Variants in ZNF404 observed in about 807,000 individuals in gnomAD.
The protein encoded by ZNF404 is zinc finger protein 404.
A neutral mutation model predicts 7.3 loss-of-function variants in ZNF404; 7 were observed. The ratio of observed to expected loss-of-function variants is 0.95; its 90% CI spans 0.54 to 1.79. ZNF404 has a LOEUF of 1.79. Ranked by LOEUF, ZNF404 falls within the 40% of genes most tolerant of loss-of-function variation. The probability of loss-of-function intolerance (pLI) is 0.00; values close to 1 mark genes in which losing one functional copy is unlikely to be tolerated. For synonymous variants in ZNF404, 191 were observed against 209.9 expected, an observed-to-expected ratio of 0.91 and a Z score of 0.78; for missense variants, 560 against 661.5, an observed-to-expected ratio of 0.85 and a Z score of 1.68.
chr19:43,877,967 T>G (rs1370864243), intron 2 of ZNF404, among the ~76,000 whole-genome samples: 2 of 140,220 alleles, frequency 1.4e-5, no homozygotes, highest in Non-Finnish European at 3.1e-5. Flanking sequence ...CACATTTTCT[T>G]AATCCAGTCT....
rs1971830233 is a variant in ZNF404 at position 43,873,656 on chromosome 19, G to A, written c.558C>T (p.Pro186=). The A allele has an allele frequency of 6.2e-7, 1 of 1,613,330 alleles. No individual in the cohort carries two copies. Among genetic ancestry groups the A allele is most frequent in the East Asian group, 2.2e-5 (1 of 44,868 alleles). The part of the protein sequence containing the change: ...RHRKIHTDLK[P]YECNGCEKAF... ...CCTTCTCACATCCATTGCATTCATA[G>A]GGTTTCAAATCAGTGTGGATTTTTC... The change falls in exon 3 of 3, where the codon CCC becomes CCT. Residue 186 remains proline, a synonymous_variant. Transcript: ENST00000587539.
chr19:43,877,088 G>A (rs1419791045), intron 2 of ZNF404, among the ~76,000 whole-genome samples: 1 of 151,788 alleles, frequency 6.6e-6, no homozygotes, highest in Non-Finnish European at 1.5e-5. Context: ...TTTGCCTATA[G>A]TTTTGTTAAC....
intron 2 of ZNF404, among the ~76,000 whole-genome samples, chr19:43,875,295 T>A (rs1052531864): frequency 6.9e-6 from 1 of 144,432 alleles, no homozygotes; most frequent in African/African-American, 2.8e-5. Flanking sequence ...TTTAAATAAT[T>A]TTTTTTTTAA....
chr19:43,880,060 TC>T lies in ZNF404; in HGVS notation c.85del (p.Asp29IlefsTer6), dbSNP rs1403328619. The T allele has an allele frequency of 6.2e-7, 1 of 1,613,628 alleles. No homozygotes were observed. The highest frequency in any genetic ancestry group is 8.5e-7 in the Non-Finnish European group (1 of 1,179,746). On this transcript the variant is annotated frameshift_variant, in exon 2 of 3. Coordinates refer to ENST00000587539, the MANE Select transcript of ZNF404 (RefSeq NM_001033719.3). LOFTEE classifies it high-confidence loss of function. ...EWEYLNSDQR[D>X]LYRDVMLENY... ...CTCCAACATCACATCTCTGTACAAATCCCTCTGATCCGAGTTTAAATATTCC... is the reference window on the plus strand; with the variant it reads ...CTCCAACATCACATCTCTGTACAAATCCTCTGATCCGAGTTTAAATATTCC...
chr19:43,877,560 CTTTAT>C (rs1971858440), intron 2 of ZNF404, among the ~76,000 whole-genome samples: 1 of 151,818 alleles, frequency 6.6e-6, no homozygotes, highest in Non-Finnish European at 1.5e-5. Context: ...TCCCCTTTTA[CTTTAT>C]TTTTATTTAT....
chr19:43,873,034 GC>G lies in ZNF404; in HGVS notation c.1179del (p.Lys393AsnfsTer11). 6.2e-7 allele frequency: 1 copy of G among 1,606,868 alleles called. No homozygotes were observed. The highest frequency in any genetic ancestry group is 8.5e-7 in the Non-Finnish European group (1 of 1,175,832). On this transcript the variant is annotated frameshift_variant, in exon 3 of 3. Coordinates refer to ENST00000587539, the MANE Select transcript of ZNF404 (RefSeq NM_001033719.3). LOFTEE classifies it low-confidence loss of function (END_TRUNC). ...HECKECGKTF[K>X]LHSYLIQHQI... ...TGATGTTGAATAAGATATGAATGAA[GC>G]TTAAAAGTCTTCCCACATTCTTTAC... is the stretch of plus-strand genomic sequence containing the variant.
At chr19:43,882,060 C>A (rs1971899577) in intron 1 of ZNF404, among the ~76,000 whole-genome samples, 1 of 151,418 alleles carries the variant, frequency 6.6e-6, no homozygotes. Flanking sequence ...ATAACCTAGA[C>A]AACATTGAAG....
At chr19:43,874,376 T>C (rs1408131588) in intron 2 of ZNF404, among the ~76,000 whole-genome samples, 1 of 152,104 alleles carries the variant, frequency 6.6e-6, no homozygotes, top group Non-Finnish European at 1.5e-5. Flanking sequence ...CTTTTAGATA[T>C]CCACTCAGAC....
Position 43,873,336 on chromosome 19 carries a change from T to C in ZNF404, c.878A>G (p.His293Arg). 1 of 1,613,306 alleles carries C rather than the reference T, an allele frequency of 6.2e-7. No individual in the cohort carries two copies. Among genetic ancestry groups the C allele is most frequent in the Non-Finnish European group, 8.5e-7 (1 of 1,179,554 alleles). ...RSSLYQHKKI[H>R]SGEKPYKCEQ... ...ACATTTATATGGTTTCTCACCAGAA[T>C]GAATTTTCTTATGTTGGTAAAGACT... The change falls in exon 3 of 3, where the codon CAT becomes CGT. Residue 293 changes from histidine to arginine, a missense_variant. Coordinates refer to ENST00000587539, the MANE Select transcript of ZNF404 (RefSeq NM_001033719.3).
intron 1 of ZNF404, among the ~76,000 whole-genome samples, chr19:43,880,790 C>T (rs749612048): frequency 7.2e-5 from 11 of 152,160 alleles, no homozygotes; most frequent in Non-Finnish European, 1.5e-4. Flanking sequence ...CACTGGATTC[C>T]ACTGAGAACA....
At position 43,873,147 on chromosome 19, in the gene ZNF404, T is replaced by A. The variant is rs750144299; in HGVS notation, c.1067A>T (p.Asp356Val). The A allele has an allele frequency of 1.9e-6, 3 of 1,613,604 alleles. No homozygotes were observed. Among genetic ancestry groups the A allele is most frequent in the Non-Finnish European group, 1.7e-6 (2 of 1,179,684 alleles). ...AAAGGCCTTTCCACAATCCTTACAATCATAGAGTTTCTCACTACTATGAAT... is the reference window on the plus strand; with the variant it reads ...AAAGGCCTTTCCACAATCCTTACAAACATAGAGTTTCTCACTACTATGAAT... Reference protein sequence around the residue: ...KRIHSSEKLYDCKDCGKAFCR... With the variant: ...KRIHSSEKLYVCKDCGKAFCR... The change falls in exon 3 of 3, where the codon GAT becomes GTT. Residue 356 changes from aspartate (D) to valine (V), a missense_variant. By Grantham distance (152) the Asp-to-Val change is radical. Coordinates refer to ENST00000587539, the MANE Select transcript of ZNF404 (RefSeq NM_001033719.3).
chr19:43,880,688 A>G (rs1971888366), intron 1 of ZNF404, among the ~76,000 whole-genome samples: 1 of 152,202 alleles, frequency 6.6e-6, no homozygotes, highest in Non-Finnish European at 1.5e-5. Flanking sequence ...AAAGACAAGT[A>G]ACAAATGAGG....
chr19:43,878,296 C>T (rs1971866900), intron 2 of ZNF404, among the ~76,000 whole-genome samples: 2 of 150,608 alleles, frequency 1.3e-5, no homozygotes, highest in African/African-American at 4.9e-5. Context: ...GAGATGGTAT[C>T]TCATTGTGGT....
Position 43,872,672 on chromosome 19 carries a change from C to T in ZNF404, c.1542G>A (p.Glu514=). Residue 514 remains glutamate (E), a synonymous_variant, in exon 3 of 3, where the codon GAG becomes GAA. Transcript: ENST00000587539. This position sits in a 1 kb window ranked among gnomAD's most constrained non-coding sequence, Gnocchi z 4.4. ...GTGGTTTCACACCAGTATGAATTGT[C>T]TCATGTTGAGTAAGTCGATCACTGC... is the stretch of plus-strand genomic sequence containing the variant. The part of the protein sequence containing the change: ...FNRSDRLTQH[E]TIHTGVKPQK... The T allele has an allele frequency of 6.2e-7, 1 of 1,613,264 alleles. No individual in the cohort carries two copies. Among genetic ancestry groups the T allele is most frequent in the Non-Finnish European group, 8.5e-7 (1 of 1,179,604 alleles).
Position 43,873,265 on chromosome 19 carries a change from G to GC in ZNF404, c.948_949insG (p.His317AlafsTer8). 1 of 1,613,582 alleles carries GC rather than the reference G, an allele frequency of 6.2e-7. No homozygotes were observed. Among genetic ancestry groups the GC allele is most frequent in the Non-Finnish European group, 8.5e-7 (1 of 1,179,660 alleles). ...TTCTCACCAGTATGACTTCTTTGAT[G>GC]TTCAACAAGTAGATAGCTGCGAACA... On this transcript the variant is annotated frameshift_variant, in exon 3 of 3. Transcript: ENST00000587539. LOFTEE classifies it low-confidence loss of function (END_TRUNC).
intron 1 of ZNF404, among the ~76,000 whole-genome samples, chr19:43,880,494 C>T (rs550791120): frequency 6.6e-6 from 1 of 152,204 alleles, no homozygotes; most frequent in African/African-American, 2.4e-5. Flanking sequence ...CTTTTCTCTT[C>T]GAGGAATATG....
At chr19:43,880,664 C>T (rs184426032) in intron 1 of ZNF404, among the ~76,000 whole-genome samples, 23 of 152,132 alleles carry the variant, frequency 1.5e-4, no homozygotes, top group East Asian at 5.8e-4. Flanking sequence ...GAAAACATTG[C>T]GCAATGATAC....
intron 2 of ZNF404, among the ~76,000 whole-genome samples, chr19:43,876,712 C>T (rs537015433): frequency 3.0e-4 from 45 of 152,260 alleles, no homozygotes; most frequent in Non-Finnish European, 5.1e-4. Context: ...ACGGACATCA[C>T]CTTAAACAAA....
In ZNF404 at chr19:43,873,150, TAG is replaced by T. The variant is rs1568435827; in HGVS notation, c.1062_1063del (p.Tyr355Ter). 7.4e-6 allele frequency: 12 copies of T among 1,613,584 alleles called. No homozygotes were observed. Among genetic ancestry groups the T allele is most frequent in the South Asian group, 2.2e-5 (2 of 91,070 alleles). Reference sequence around the variant, plus strand: ...GGCCTTTCCACAATCCTTACAATCATAGAGTTTCTCACTACTATGAATTCTCT... The same window carrying T: ...GGCCTTTCCACAATCCTTACAATCATAGTTTCTCACTACTATGAATTCTCT... On this transcript the variant is annotated frameshift_variant, in exon 3 of 3. Coordinates refer to ENST00000587539, the MANE Select transcript of ZNF404 (RefSeq NM_001033719.3). LOFTEE classifies it low-confidence loss of function (END_TRUNC).
Sources: allele counts gnomAD v4.1 joint callset (sites outside exome capture counted in the v4.1 genomes callset), GRCh38; gene constraint gnomAD v4.1.1; non-coding constraint Gnocchi (gnomAD v3.1); transcripts MANE v1.5; gene names NCBI Gene and HGNC (gene_info 2026-07-23, HGNC 2026-07-21).